PPM1E: variants seen among roughly 807,000 people sequenced by gnomAD.
The protein encoded by PPM1E is protein phosphatase, Mg2+/Mn2+ dependent 1E, also known as protein phosphatase 1E.
A neutral mutation model predicts 65.9 loss-of-function variants in PPM1E; 20 were observed. The observed-to-expected ratio is 0.30, with a 90% CI of 0.21 to 0.44. The LOEUF (loss-of-function observed/expected upper bound fraction) is 0.44. Among genes scored for constraint, PPM1E ranks in the 20% least tolerant of loss-of-function variants. PPM1E has a pLI of 1.00. For missense variants in PPM1E, 713 were observed against 953.1 expected, an observed-to-expected ratio of 0.75 and a Z score of 3.32; for synonymous variants, 352 against 374.9, an observed-to-expected ratio of 0.94 and a Z score of 0.70.
intron 1 of PPM1E, among the ~76,000 whole-genome samples, chr17:58,945,029 G>A (rs2052128324): frequency 6.6e-6 from 1 of 151,974 alleles, no homozygotes; most frequent in South Asian, 2.1e-4. Flanking sequence ...TTTTATTATA[G>A]CTATCCTAGT....
At chr17:58,872,795 A>G (rs1318470719) in intron 1 of PPM1E, among the ~76,000 whole-genome samples, 1 of 151,908 alleles carries the variant, frequency 6.6e-6, no homozygotes, top group African/African-American at 2.4e-5. Flanking sequence ...TTATATAGGC[A>G]GTTAACAGGG....
chr17:58,836,685 G>A lies in PPM1E; in HGVS notation c.464+80224G>A, dbSNP rs184551449. On this transcript the variant is annotated intron_variant, in intron 1 of 6. Transcript: ENST00000308249. The stretch of plus-strand genomic sequence containing the variant: ...TCACCATATTGGTCAGGCTGGTCTC[G>A]AGCTCCTGACCTTGTGATCTGCCTG... Among the ~76,000 whole-genome samples, 407 of 150,304 alleles carry A rather than the reference G, an allele frequency of 2.7e-3. 3 individuals carry two copies. Among genetic ancestry groups the A allele is most frequent in the African/African-American group, 9.3e-3 (382 of 41,156 alleles).
intron 4 of PPM1E, among the ~76,000 whole-genome samples, chr17:58,970,652 G>A (rs2030546194): frequency 1.3e-5 from 2 of 152,074 alleles, no homozygotes; most frequent in African/African-American, 4.8e-5. Flanking sequence ...TTAAGAAAGA[G>A]AATTATTCTT....
chr17:58,756,830 C>G (rs543384171), intron 1 of PPM1E, among the ~76,000 whole-genome samples: 3 of 152,366 alleles, frequency 2.0e-5, no homozygotes, highest in African/African-American at 7.2e-5. Flanking sequence ...TCCTCCCAGG[C>G]TTGAGCTCCC....
chr17:58,910,559 A>G (rs1257182094), intron 1 of PPM1E, among the ~76,000 whole-genome samples: 1 of 152,098 alleles, frequency 6.6e-6, no homozygotes, highest in Admixed American at 6.5e-5. Context: ...TTTTTTCTTA[A>G]TAGCCAGACA....
intron 1 of PPM1E, among the ~76,000 whole-genome samples, chr17:58,935,294 C>A (rs1011990568): frequency 1.3e-5 from 2 of 150,756 alleles, no homozygotes; most frequent in African/African-American, 4.9e-5. Context: ...TTGATAATGT[C>A]TATGCAAAAA....
At chr17:58,817,803 G>C (rs888087776) in intron 1 of PPM1E, among the ~76,000 whole-genome samples, 2 of 151,476 alleles carry the variant, frequency 1.3e-5, no homozygotes, top group African/African-American at 4.9e-5. Context: ...CCAGGCTCGA[G>C]TGCAGTGGCA....
chr17:58,804,379 C>A (rs2050285796), intron 1 of PPM1E, among the ~76,000 whole-genome samples: 1 of 152,062 alleles, frequency 6.6e-6, no homozygotes, highest in African/African-American at 2.4e-5. Flanking sequence ...AAAAGTAATA[C>A]ATTAAAACAG....
intron 1 of PPM1E, among the ~76,000 whole-genome samples, chr17:58,884,774 GT>G (rs1356997153): frequency 6.6e-6 from 1 of 152,038 alleles, no homozygotes; most frequent in Non-Finnish European, 1.5e-5. Flanking sequence ...CCTTTGTAGG[GT>G]GACCAGAGAA....
intron 1 of PPM1E, among the ~76,000 whole-genome samples, chr17:58,770,395 A>T (rs1008689356): frequency 6.6e-6 from 1 of 152,106 alleles, no homozygotes; most frequent in Non-Finnish European, 1.5e-5. Context: ...GCATGCTGGC[A>T]TACTCCTTTA....
At chr17:58,891,832 C>CATTTTTTTTTTTTTTTT (rs2051349727) in intron 1 of PPM1E, among the ~76,000 whole-genome samples, 1 of 85,496 alleles carries the variant, frequency 1.2e-5, no homozygotes, top group Non-Finnish European at 2.1e-5. Flanking sequence ...TTTTCTTTTT[C>CATTTTTTTTTTTTTTTT]TTTTTTTTTT....
In PPM1E at chr17:58,968,417, G is replaced by A. The variant is rs899286770; in HGVS notation, c.784-1122G>A. 6.6e-5 allele frequency among the ~76,000 whole-genome samples: 10 copies of A among 152,028 alleles called. No individual in the cohort carries two copies. In the South Asian group the frequency reaches 2.1e-3, roughly 32 times the overall value. On this transcript the variant is annotated intron_variant, in intron 3 of 6. Transcript: ENST00000308249. The stretch of plus-strand genomic sequence containing the variant: ...CCTAGCCTGGGTGTCAAAGTGAGAC[G>A]CTGACTCCAAAAATAAATAAATAAA...
At chr17:58,867,877 T>G (rs1328063568) in intron 1 of PPM1E, among the ~76,000 whole-genome samples, 1 of 152,176 alleles carries the variant, frequency 6.6e-6, no homozygotes, top group Non-Finnish European at 1.5e-5. Flanking sequence ...ATGTGTTCCC[T>G]CTAGGGAACC....
At chr17:58,820,485 A>G (rs2050468937) in intron 1 of PPM1E, among the ~76,000 whole-genome samples, 1 of 152,198 alleles carries the variant, frequency 6.6e-6, no homozygotes. Flanking sequence ...GGACCCATTA[A>G]TGTACAATGA....
At chr17:58,923,657 G>T (rs1190412853) in intron 1 of PPM1E, among the ~76,000 whole-genome samples, 3 of 150,256 alleles carry the variant, frequency 2.0e-5, no homozygotes, top group African/African-American at 7.4e-5. Flanking sequence ...TGAGGCAGGA[G>T]AATCGCTTGA....
intron 1 of PPM1E, among the ~76,000 whole-genome samples, chr17:58,847,212 C>A (rs2050780545): frequency 6.6e-6 from 1 of 151,938 alleles, no homozygotes; most frequent in East Asian, 1.9e-4. Context: ...TTCTCCCATT[C>A]TGTAGGTTGC....
chr17:58,940,716 G>GTT (rs57066109), intron 1 of PPM1E, among the ~76,000 whole-genome samples: 2 of 150,854 alleles, frequency 1.3e-5, no homozygotes, highest in African/African-American at 2.4e-5. Flanking sequence ...TGTTTTTTGG[G>GTT]TTTTTTTTTG....
chr17:58,943,098 A>T (rs916068536), intron 1 of PPM1E, among the ~76,000 whole-genome samples: 44 of 146,690 alleles, frequency 3.0e-4, no homozygotes, highest in Admixed American at 4.1e-4. Context: ...AAAGTGAATT[A>T]AAAAAAAAAG....
At chr17:58,966,022 T>G (rs2030212749) in intron 3 of PPM1E, 129 bp downstream of exon 3, 3 of 959,770 alleles carry the variant, frequency 3.1e-6, no homozygotes, top group Non-Finnish European at 4.6e-6. Context: ...TAGGGCTAAG[T>G]GCAAAGTGGC....
Sources: gnomAD v4.1 joint callset for allele counts (sites outside exome capture counted in the v4.1 genomes callset) on GRCh38, gnomAD v4.1.1 for gene constraint, MANE v1.5 for transcripts, NCBI Gene and HGNC (gene_info 2026-07-23, HGNC 2026-07-21) for gene names.